JMJD1C: variants seen among roughly 807,000 people sequenced by gnomAD.
The protein encoded by JMJD1C is jumonji domain containing 1C.
Under a neutral mutation model 245.3 loss-of-function variants are expected in JMJD1C, and 31 were observed. That is an observed-to-expected ratio of 0.13 (90% CI 0.09 to 0.17). The LOEUF is 0.17. Among genes scored for constraint, JMJD1C ranks in the 10% least tolerant of loss-of-function variants. JMJD1C has a pLI of 1.00. For missense variants in JMJD1C, 2,691 were observed against 3,000.2 expected, an observed-to-expected ratio of 0.90 and a Z score of 2.41; for synonymous variants, 1,057 against 1,017.4, an observed-to-expected ratio of 1.04 and a Z score of -0.74.
Position 63,465,717 on chromosome 10 carries a change from A to G in JMJD1C, c.-55T>C. The G allele has an allele frequency of 6.3e-7, 1 of 1,587,104 alleles. No individual in the cohort carries two copies. The highest frequency in any genetic ancestry group is 8.6e-7 in the Non-Finnish European group (1 of 1,168,272). On this transcript the variant is annotated 5_prime_UTR_variant, in exon 1 of 26. Transcript: ENST00000399262. ...CCTCCAGTGCGAGGGAACCGATGAA[A>G]CCTCACTCCTACCGGCCGCTCATGC...
chr10:63,268,723 GGTCA>G (rs1399794429), intron 2 of JMJD1C: 10 of 984,100 alleles, frequency 1.0e-5, no homozygotes, highest in East Asian at 1.1e-4. Flanking sequence ...AGGCTTTAAA[GGTCA>G]GTAAGTATTT....
At chr10:63,238,362 A>G (rs575717862) in intron 3 of JMJD1C, among the ~76,000 whole-genome samples, 41 of 152,016 alleles carry the variant, frequency 2.7e-4, no homozygotes, top group Non-Finnish European at 5.3e-4. Context: ...TAGAAAATTT[A>G]ATTTAAAAAA....
At position 63,419,770 on chromosome 10, in the gene JMJD1C, T is replaced by G. The variant is rs933191118; in HGVS notation, c.169-39288A>C. Among the ~76,000 whole-genome samples, 4 of 140,984 alleles carry G rather than the reference T, an allele frequency of 2.8e-5. No homozygotes were observed. In the East Asian group the frequency reaches 8.4e-4, roughly 29 times the overall value. 92.5% of individuals were successfully genotyped at this position (140,984 alleles called of 152,430 possible). A position where few individuals can be genotyped will look rare whatever the true frequency, so the allele number is the denominator to read the frequency against. On this transcript the variant is annotated intron_variant, in intron 1 of 25. Coordinates refer to ENST00000399262, the MANE Select transcript of JMJD1C (RefSeq NM_032776.3). The stretch of plus-strand genomic sequence containing the variant: ...ATCTCAAATCACACTAAGAAAAGGA[T>G]AGTTAATCAGACAATCCCTATCACC...
At chr10:63,373,466 A>G (rs1020998361) in intron 2 of JMJD1C, among the ~76,000 whole-genome samples, 3 of 152,222 alleles carry the variant, frequency 2.0e-5, no homozygotes, top group Non-Finnish European at 4.4e-5. Flanking sequence ...TCATGATCTC[A>G]AGAAACAGCA....
intron 2 of JMJD1C, among the ~76,000 whole-genome samples, chr10:63,267,937 G>T (rs545446321): frequency 6.3e-4 from 96 of 152,188 alleles, no homozygotes; most frequent in African/African-American, 2.2e-3. Context: ...GACGCGAACA[G>T]ATGAGCCCTC....
In JMJD1C at chr10:63,207,179, C is replaced by T; in HGVS notation, c.4490G>A (p.Ser1497Asn). 3 of 1,614,136 alleles carry T rather than the reference C, an allele frequency of 1.9e-6. No individual in the cohort carries two copies. The highest frequency in any genetic ancestry group is 2.2e-5 in the East Asian group (1 of 44,884). Residue 1497 changes from serine (S) to asparagine (N), a missense_variant, in exon 10 of 26, where the codon AGT (serine) becomes AAT (asparagine). By Grantham distance (46) the Ser-to-Asn change is conservative. Transcript: ENST00000399262. ...AALAAAQYKS[S>N]NASETEPNAI... is the part of the protein sequence containing the mutation. ...ATTAGGTTCAGTCTCACTGGCATTA[C>T]TACTTTTATACTGAGCTGCAGCCAA...
At chr10:63,514,742 C>G (rs920848067) in intron 1 of JMJD1C, among the ~76,000 whole-genome samples, 5 of 151,790 alleles carry the variant, frequency 3.3e-5, no homozygotes, top group African/African-American at 1.2e-4. Flanking sequence ...ACCTAGGTAA[C>G]AGACCACACA....
intron 2 of JMJD1C, among the ~76,000 whole-genome samples, chr10:63,364,571 A>AC (rs1393695529): frequency 6.6e-6 from 1 of 152,014 alleles, no homozygotes; most frequent in Non-Finnish European, 1.5e-5. Flanking sequence ...CTGCAGCCTC[A>AC]AACTCTTGGG....
intron 1 of JMJD1C, among the ~76,000 whole-genome samples, chr10:63,449,216 A>G (rs963977317): frequency 2.0e-5 from 3 of 152,138 alleles, no homozygotes; most frequent in African/African-American, 2.4e-5. Context: ...TTAAATCTGT[A>G]TTTTGAATGA....
At chr10:63,357,215 G>C (rs1489909152) in intron 2 of JMJD1C, among the ~76,000 whole-genome samples, 1 of 152,006 alleles carries the variant, frequency 6.6e-6, no homozygotes, top group Non-Finnish European at 1.5e-5. Context: ...TCTATTTTTA[G>C]TAGAGATGGG....
intron 3 of JMJD1C, among the ~76,000 whole-genome samples, chr10:63,233,401 TA>T (rs1003521166): frequency 2.0e-5 from 3 of 151,658 alleles, no homozygotes; most frequent in African/African-American, 2.4e-5. Flanking sequence ...AAATTAGACT[TA>T]AAAAAAAATT....
At chr10:63,315,390 T>C (rs1274095089) in intron 2 of JMJD1C, among the ~76,000 whole-genome samples, 1 of 152,178 alleles carries the variant, frequency 6.6e-6, no homozygotes, top group Non-Finnish European at 1.5e-5. Context: ...CTTTTTGTGT[T>C]AATTTGTTTA....
rs574394560 is a variant in JMJD1C, at chr10:63,228,210, A to T, written c.448-8227T>A. Among the ~76,000 whole-genome samples, 4 of 152,060 alleles carry T rather than the reference A, an allele frequency of 2.6e-5. No homozygotes were observed. In the East Asian group the frequency reaches 7.7e-4, roughly 29 times the overall value. ...CTGCTGTTACAGCAGAAAAGTAGCT[A>T]AAAAAATACCATAAAAATACATAAA... On this transcript the variant is annotated intron_variant, in intron 3 of 25. Coordinates refer to ENST00000399262, the MANE Select transcript of JMJD1C (RefSeq NM_032776.3).
intron 1 of JMJD1C, among the ~76,000 whole-genome samples, chr10:63,444,556 G>A (rs1353937447): frequency 1.3e-5 from 2 of 151,940 alleles, no homozygotes; most frequent in Non-Finnish European, 2.9e-5. Context: ...TTACAGGCGT[G>A]CGCCTCCGTA....
intron 1 of JMJD1C, among the ~76,000 whole-genome samples, chr10:63,506,537 C>G (rs911631235): frequency 1.3e-5 from 2 of 152,104 alleles, no homozygotes; most frequent in Non-Finnish European, 2.9e-5. Context: ...CCTGGAAAAG[C>G]CTAGCTGCTT....
intron 1 of JMJD1C, chr10:63,427,834 G>T (rs1331759086): frequency 1.8e-5 from 19 of 1,047,778 alleles, no homozygotes; most frequent in East Asian, 9.5e-5. Context: ...AACACTTGTT[G>T]AGACAGCCAA....
intron 2 of JMJD1C, among the ~76,000 whole-genome samples, chr10:63,314,985 C>T: frequency 7.3e-6 from 1 of 136,740 alleles, no homozygotes; most frequent in Non-Finnish European, 1.5e-5. Flanking sequence ...GACAGGGTCT[C>T]ACTCTGTCAC....
intron 1 of JMJD1C, among the ~76,000 whole-genome samples, chr10:63,394,752 G>A (rs372347264): frequency 2.6e-5 from 4 of 151,878 alleles, no homozygotes; most frequent in Non-Finnish European, 4.4e-5. Flanking sequence ...GCTGAGGCAG[G>A]AGAATCGCTT....
chr10:63,390,617 T>C (rs2134596241), intron 1 of JMJD1C, among the ~76,000 whole-genome samples: 1 of 152,268 alleles, frequency 6.6e-6, no homozygotes. Context: ...CCAATATCTC[T>C]GATGAACATA....
Sources: allele counts gnomAD v4.1 joint callset (sites outside exome capture counted in the v4.1 genomes callset), GRCh38; gene constraint gnomAD v4.1.1; transcripts MANE v1.5; gene names NCBI Gene and HGNC (gene_info 2026-07-23, HGNC 2026-07-21).